BRIP1: variants seen among roughly 807,000 people sequenced by gnomAD.
BRIP1 encodes the protein Fanconi anemia group J protein.
A neutral mutation model predicts 119.7 loss-of-function variants in BRIP1; 88 were observed. The observed-to-expected ratio is 0.74, with a 90% CI of 0.62 to 0.88. The LOEUF is 0.88. BRIP1 is among the 40% of genes least tolerant of loss of function. The pLI, the probability that BRIP1 is intolerant of heterozygous loss-of-function variation, is 0.00. For synonymous variants in BRIP1, 443 were observed against 496.5 expected (o/e 0.89, Z 1.43); for missense variants, 1,259 against 1,455.4 (o/e 0.87, Z 2.20).
chr17:61,696,240 A>G (rs9972952), intron 17 of BRIP1, among the ~76,000 whole-genome samples: 103,098 of 146,720 alleles, frequency 0.7, 36,247 homozygotes, highest in East Asian at 0.88. Flanking sequence ...GTGTGGTTTT[A>G]GTCTTCTTTT....
chr17:61,699,140 T>C lies in BRIP1; in HGVS notation c.2493-5628A>G, dbSNP rs2061573216. On this transcript the variant is annotated intron_variant, in intron 17 of 19. Transcript: ENST00000259008. The surrounding 1 kb of genome is among the most constrained non-coding windows in gnomAD (Gnocchi z 4.8). Reference sequence around the variant, plus strand: ...GCATGGTATGTCTTTTCCCATCATTTTATTTTCAACCTATTTGTGTTTTTT... The same window carrying C: ...GCATGGTATGTCTTTTCCCATCATTCTATTTTCAACCTATTTGTGTTTTTT... 6.6e-6 allele frequency among the ~76,000 whole-genome samples: 1 copy of C among 152,236 alleles called. No individual in the cohort carries two copies. The highest frequency in any genetic ancestry group is 2.4e-5 in the African/African-American group (1 of 41,474).
rs2078377428 is a variant in BRIP1, at chr17:61,824,609, CACAA to C, written c.628-15856_628-15853del. On this transcript the variant is annotated intron_variant, in intron 6 of 19. Transcript: ENST00000259008. The surrounding 1 kb of genome is among the most constrained non-coding windows in gnomAD (Gnocchi z 4.3). ...GTGCAGGGAAACCTGGATATCTACA[CACAA>C]ACAATGAAGTTGCACCATTATAATA... Among the ~76,000 whole-genome samples, 1 of 152,310 alleles carries C rather than the reference CACAA, an allele frequency of 6.6e-6. No homozygotes were observed. The highest frequency in any genetic ancestry group is 2.1e-4 in the South Asian group (1 of 4,828).
rs565075470 is a variant in BRIP1, at chr17:61,767,092, G to T, written c.2097+9309C>A. ...TGGGGAAAAAAACTAGATGAACAAC[G>T]TTCTCACTCTTACCCTTAAACAAAT... On this transcript the variant is annotated intron_variant, in intron 14 of 19. Transcript: ENST00000259008. This position sits in a 1 kb window ranked among gnomAD's most constrained non-coding sequence, Gnocchi z 5.7. 2.0e-5 allele frequency among the ~76,000 whole-genome samples: 3 copies of T among 151,976 alleles called. No individual in the cohort carries two copies. The highest frequency in any genetic ancestry group is 7.3e-5 in the African/African-American group (3 of 41,378).
rs935522359 is a variant in BRIP1, at chr17:61,843,545, C to T, written c.627+3556G>A. ...GGTCATCAATGGCTGGTGCCCTCCT[C>T]ACAGTAATGAGTTGAGTTCTTGCTC... On this transcript the variant is annotated intron_variant, in intron 6 of 19. Coordinates refer to ENST00000259008, the MANE Select transcript of BRIP1 (RefSeq NM_032043.3). This position sits in a 1 kb window ranked among gnomAD's most constrained non-coding sequence, Gnocchi z 5.7. Among the ~76,000 whole-genome samples, 1 of 152,122 alleles carries T rather than the reference C, an allele frequency of 6.6e-6. No homozygotes were observed. Among genetic ancestry groups the T allele is most frequent in the Non-Finnish European group, 1.5e-5 (1 of 68,022 alleles).
At position 61,684,226 on chromosome 17, in the gene BRIP1, C is replaced by T. The variant is rs1010152297; in HGVS notation, c.2906-86G>A. On this transcript the variant is annotated intron_variant, in intron 19 of 19. Coordinates refer to ENST00000259008, the MANE Select transcript of BRIP1 (RefSeq NM_032043.3). The surrounding 1 kb of genome is among the most constrained non-coding windows in gnomAD (Gnocchi z 4.5). The stretch of plus-strand genomic sequence containing the variant: ...TTAAAATAATTATTTATTAGAAATA[C>T]CTAAATAACTGTATAGGATACATAA... 114 of 1,436,242 alleles carry T rather than the reference C, an allele frequency of 7.9e-5. No homozygotes were observed. Among genetic ancestry groups the T allele is most frequent in the Admixed American group, 3.1e-4 (16 of 51,100 alleles). 89.0% of individuals were successfully genotyped at this position (1,436,242 alleles called of 1,614,324 possible). A position where few individuals can be genotyped will look rare whatever the true frequency, so the allele number is the denominator to read the frequency against.
rs2077065530 is a variant in BRIP1 at position 61,746,900 on chromosome 17, C to A, written c.2098-2309G>T. ...AAAATACATATTCTTCACAACTGTA[C>A]ATGGAACATTCTCTAGGACAGATCA... On this transcript the variant is annotated intron_variant, in intron 14 of 19. Transcript: ENST00000259008. This position sits in a 1 kb window ranked among gnomAD's most constrained non-coding sequence, Gnocchi z 4.9. Among the ~76,000 whole-genome samples the A allele has an allele frequency of 6.6e-6, 1 of 152,092 alleles. No individual in the cohort carries two copies. The highest frequency in any genetic ancestry group is 2.4e-5 in the African/African-American group (1 of 41,414).
At chr17:61,714,531 T>C (rs2061828634) in intron 17 of BRIP1, among the ~76,000 whole-genome samples, 1 of 152,182 alleles carries the variant, frequency 6.6e-6, no homozygotes, top group Non-Finnish European at 1.5e-5. Flanking sequence ...ATATGTGTAG[T>C]AGACTATACT....
Position 61,708,691 on chromosome 17 carries a change from C to G in BRIP1, c.2492+7260G>C, listed in dbSNP as rs542186363. On this transcript the variant is annotated intron_variant, in intron 17 of 19. Transcript: ENST00000259008. The surrounding 1 kb of genome is among the most constrained non-coding windows in gnomAD (Gnocchi z 4.4). The stretch of plus-strand genomic sequence containing the variant: ...TTTCTTTGACAATCTGGTGAAGACT[C>G]TGCACTTACTTAAGAGTAAGGCACT... Among the ~76,000 whole-genome samples the G allele has an allele frequency of 6.6e-6, 1 of 152,252 alleles. No individual in the cohort carries two copies. The highest frequency in any genetic ancestry group is 1.9e-4 in the East Asian group (1 of 5,186).
rs1305127466 is a variant in BRIP1 at position 61,827,141 on chromosome 17, A to C, written c.628-18384T>G. Among the ~76,000 whole-genome samples, 1 of 152,206 alleles carries C rather than the reference A, an allele frequency of 6.6e-6. No individual in the cohort carries two copies. The highest frequency in any genetic ancestry group is 1.5e-5 in the Non-Finnish European group (1 of 68,036). On this transcript the variant is annotated intron_variant, in intron 6 of 19. Transcript: ENST00000259008. The surrounding 1 kb of genome is among the most constrained non-coding windows in gnomAD (Gnocchi z 5.8). ...TACAGAAACTTAGATAGAGCTGGAGACCATTATCCTTAGCAAACTAATGCA... is the reference window on the plus strand; with the variant it reads ...TACAGAAACTTAGATAGAGCTGGAGCCCATTATCCTTAGCAAACTAATGCA...
At chr17:61,765,379 TTA>T (rs1287538931) in intron 14 of BRIP1, among the ~76,000 whole-genome samples, 502 of 37,758 alleles carry the variant, frequency 0.013, 16 homozygotes, top group Non-Finnish European at 0.016. Context: ...TGTGTATATA[TTA>T]TATATATATA....
intron 6 of BRIP1, among the ~76,000 whole-genome samples, chr17:61,819,901 C>T (rs966669315): frequency 2.0e-5 from 3 of 151,856 alleles, no homozygotes; most frequent in Non-Finnish European, 2.9e-5. Flanking sequence ...ATTTGTAACA[C>T]AAAGGATAAA....
At chr17:61,838,525 C>G (rs2078608975) in intron 6 of BRIP1, among the ~76,000 whole-genome samples, 1 of 150,206 alleles carries the variant, frequency 6.7e-6, no homozygotes. Flanking sequence ...GCCTGGGCGA[C>G]AGAGCGAGAC....
chr17:61,787,676 G>A (rs1410641244), intron 10 of BRIP1, among the ~76,000 whole-genome samples: 4 of 150,820 alleles, frequency 2.7e-5, no homozygotes, highest in Non-Finnish European at 2.9e-5. Context: ...ACAGAGTCTC[G>A]CTCTGTCGCC....
chr17:61,839,075 AT>A, intron 6 of BRIP1, among the ~76,000 whole-genome samples: 1 of 152,166 alleles, frequency 6.6e-6, no homozygotes, highest in Non-Finnish European at 1.5e-5. Flanking sequence ...AAGGAAAAAT[AT>A]TTACTCCCCT....
chr17:61,733,183 A>G (rs1213867409), intron 16 of BRIP1, among the ~76,000 whole-genome samples: 1 of 152,174 alleles, frequency 6.6e-6, no homozygotes, highest in African/African-American at 2.4e-5. Context: ...AAGGAATAAC[A>G]ATGGAACAAT....
At chr17:61,685,631 G>C in intron 19 of BRIP1, 1 of 573,412 alleles carries the variant, frequency 1.7e-6, no homozygotes, top group Non-Finnish European at 3.0e-6. Context: ...AAGCCAGTTA[G>C]TGGAAAACCA....
chr17:61,750,384 T>C (rs2144751442), intron 14 of BRIP1, among the ~76,000 whole-genome samples: 1 of 152,256 alleles, frequency 6.6e-6, no homozygotes, highest in Non-Finnish European at 1.5e-5. Flanking sequence ...GTCAAAGACA[T>C]TACTGTAAGA....
chr17:61,694,315 G>T (rs2061492354), intron 17 of BRIP1, among the ~76,000 whole-genome samples: 1 of 151,966 alleles, frequency 6.6e-6, no homozygotes, highest in Admixed American at 6.6e-5. Context: ...GCCAATTCTG[G>T]ACATTTCATT....
intron 18 of BRIP1, among the ~76,000 whole-genome samples, chr17:61,688,596 G>A (rs553421998): frequency 6.6e-6 from 1 of 152,274 alleles, no homozygotes; most frequent in East Asian, 1.9e-4. Context: ...GGGCTGATGA[G>A]TGAAGGTCTT....
Sources: allele counts gnomAD v4.1 joint callset (sites outside exome capture counted in the v4.1 genomes callset), GRCh38; gene constraint gnomAD v4.1.1; non-coding constraint Gnocchi (gnomAD v3.1); transcripts MANE v1.5; gene names NCBI Gene and HGNC (gene_info 2026-07-23, HGNC 2026-07-21).